GRM7: variants seen among roughly 807,000 people sequenced by gnomAD.
The protein encoded by GRM7 is metabotropic glutamate receptor 7.
In GRM7, 35 loss-of-function variants were observed where a neutral mutation model predicts 84.5. That is an observed-to-expected ratio of 0.41 (90% CI 0.32 to 0.55). GRM7 has a LOEUF of 0.55. Among genes scored for constraint, GRM7 ranks in the 20% least tolerant of loss-of-function variants. The pLI is 0.19. For missense variants in GRM7, 1,003 were observed against 1,194.6 expected (o/e 0.84, Z 2.36); for synonymous variants, 487 against 455.1 (o/e 1.07, Z -0.89).
At chr3:7,260,041 A>T (rs911041855) in intron 2 of GRM7, among the ~76,000 whole-genome samples, 2 of 140,026 alleles carry the variant, frequency 1.4e-5, no homozygotes, top group Non-Finnish European at 3.0e-5. Context: ...TTCTCCAGTG[A>T]TCAGTGATAT....
chr3:7,097,289 A>G (rs41534448), intron 1 of GRM7, among the ~76,000 whole-genome samples: 6,312 of 152,228 alleles, frequency 0.041, 135 homozygotes, highest in Middle Eastern at 0.12. Context: ...GACAACCAGA[A>G]AATGGCTAGT....
chr3:6,949,609 C>A (rs563623766), intron 1 of GRM7, among the ~76,000 whole-genome samples: 105 of 151,748 alleles, frequency 6.9e-4, no homozygotes, highest in Middle Eastern at 3.4e-3. Flanking sequence ...GCCTGACTTG[C>A]TAGATTGGGG....
intron 4 of GRM7, among the ~76,000 whole-genome samples, chr3:7,398,105 A>T (rs563692562): frequency 3.6e-4 from 55 of 152,346 alleles, no homozygotes; most frequent in African/African-American, 1.1e-3. Flanking sequence ...TGTGGGAATG[A>T]CTTTTAAAAT....
intron 1 of GRM7, among the ~76,000 whole-genome samples, chr3:6,939,953 G>C (rs889962512): frequency 6.6e-6 from 1 of 152,012 alleles, no homozygotes; most frequent in Non-Finnish European, 1.5e-5. Flanking sequence ...ACCAGAGGGG[G>C]TTTAAATGAA....
chr3:7,361,195 T>C (rs1193668105), intron 4 of GRM7, among the ~76,000 whole-genome samples: 3 of 152,144 alleles, frequency 2.0e-5, no homozygotes, highest in African/African-American at 7.2e-5. Flanking sequence ...CAAAAAGCCA[T>C]GTTAGATTTA....
At chr3:7,319,459 T>C (rs1700695218) in intron 4 of GRM7, among the ~76,000 whole-genome samples, 2 of 152,034 alleles carry the variant, frequency 1.3e-5, no homozygotes, top group African/African-American at 4.8e-5. Flanking sequence ...AACATCATGG[T>C]CTGTATTCAT....
intron 7 of GRM7, among the ~76,000 whole-genome samples, chr3:7,543,079 T>A (rs1454826213): frequency 6.6e-6 from 1 of 152,084 alleles, no homozygotes; most frequent in Non-Finnish European, 1.5e-5. Flanking sequence ...AATGAACAAA[T>A]GAATGAATGA....
At chr3:7,106,220 T>C (rs1328821897) in intron 1 of GRM7, among the ~76,000 whole-genome samples, 1 of 151,854 alleles carries the variant, frequency 6.6e-6, no homozygotes, top group Non-Finnish European at 1.5e-5. Flanking sequence ...AAAATTAAAT[T>C]AGAAGCAAAA....
intron 2 of GRM7, among the ~76,000 whole-genome samples, chr3:7,296,699 T>C (rs1448181561): frequency 6.6e-6 from 1 of 152,140 alleles, no homozygotes; most frequent in Non-Finnish European, 1.5e-5. Context: ...TTGATATCCA[T>C]GAGATCATCA....
Position 6,862,474 on chromosome 3 carries a change from C to T in GRM7, c.519+567C>T, listed in dbSNP as rs1694788090. 6.6e-6 allele frequency among the ~76,000 whole-genome samples: 1 copy of T among 152,156 alleles called. No homozygotes were observed. The highest frequency in any genetic ancestry group is 1.5e-5 in the Non-Finnish European group (1 of 68,036). Reference sequence around the variant, plus strand: ...CATCTCCCTCGGGCTGATTTCCCGACCTGTAGCCAGCCTCCGCGAGAGCCC... The same window carrying T: ...CATCTCCCTCGGGCTGATTTCCCGATCTGTAGCCAGCCTCCGCGAGAGCCC... On this transcript the variant is annotated intron_variant, in intron 1 of 9. Coordinates refer to ENST00000357716, the MANE Select transcript of GRM7 (RefSeq NM_000844.4). This position sits in a 1 kb window ranked among gnomAD's most constrained non-coding sequence, Gnocchi z 5.2.
At chr3:7,077,791 G>A (rs576878462) in intron 1 of GRM7, among the ~76,000 whole-genome samples, 1 of 152,030 alleles carries the variant, frequency 6.6e-6, no homozygotes, top group African/African-American at 2.4e-5. Flanking sequence ...GAAATGATAG[G>A]AAGTGACAAA....
intron 1 of GRM7, among the ~76,000 whole-genome samples, chr3:6,916,263 G>C (rs1304501442): frequency 6.6e-6 from 1 of 152,092 alleles, no homozygotes; most frequent in Admixed American, 6.6e-5. Flanking sequence ...AGGAAGGACC[G>C]ATTCAGACAT....
chr3:7,064,548 G>GATATATATAT (rs60042248), intron 1 of GRM7, among the ~76,000 whole-genome samples: 18 of 89,538 alleles, frequency 2.0e-4, no homozygotes, highest in African/African-American at 7.0e-4. Context: ...ATCATGTATG[G>GATATATATAT]ATATATATAT....
chr3:7,141,591 A>G (rs2125062809), intron 1 of GRM7, among the ~76,000 whole-genome samples: 1 of 152,194 alleles, frequency 6.6e-6, no homozygotes, highest in African/African-American at 2.4e-5. Flanking sequence ...TCCTAAGGCT[A>G]ATAAGGAAAA....
At chr3:6,901,604 T>TAAAAAAA (rs33945077) in intron 1 of GRM7, among the ~76,000 whole-genome samples, 690 of 40,458 alleles carry the variant, frequency 0.017, 41 homozygotes, top group Non-Finnish European at 0.022. Flanking sequence ...AGACTCCGTC[T>TAAAAAAA]AAAAAAAAAA....
intron 4 of GRM7, among the ~76,000 whole-genome samples, chr3:7,397,717 A>C (rs770044807): frequency 6.6e-6 from 1 of 152,178 alleles, no homozygotes; most frequent in Non-Finnish European, 1.5e-5. Context: ...ATTAAAAAGC[A>C]TTAAATCAGT....
intron 1 of GRM7, among the ~76,000 whole-genome samples, chr3:7,082,476 T>C (rs1464943729): frequency 6.6e-6 from 1 of 152,138 alleles, no homozygotes; most frequent in Non-Finnish European, 1.5e-5. Context: ...CTCATGAGGA[T>C]GTACAAGGAA....
intron 2 of GRM7, among the ~76,000 whole-genome samples, chr3:7,289,653 A>G (rs1030009762): frequency 6.6e-6 from 1 of 152,216 alleles, no homozygotes; most frequent in Non-Finnish European, 1.5e-5. Context: ...TGTGGCACAT[A>G]TACACCATGG....
At chr3:7,600,302 G>A (rs555462410) in intron 8 of GRM7, among the ~76,000 whole-genome samples, 2 of 152,218 alleles carry the variant, frequency 1.3e-5, no homozygotes, top group Admixed American at 6.5e-5. Context: ...TTATCACAGA[G>A]AAATGTGGAA....
Sources: allele counts gnomAD v4.1 joint callset (sites outside exome capture counted in the v4.1 genomes callset), GRCh38; gene constraint gnomAD v4.1.1; non-coding constraint Gnocchi (gnomAD v3.1); transcripts MANE v1.5; gene names NCBI Gene and HGNC (gene_info 2026-07-23, HGNC 2026-07-21).